PDSS2: variants seen among roughly 807,000 people sequenced by gnomAD.
The protein encoded by PDSS2 is decaprenyl diphosphate synthase subunit 2.
Under a neutral mutation model 44.5 loss-of-function variants are expected in PDSS2, and 31 were observed. The ratio of observed to expected loss-of-function variants is 0.70; its 90% CI spans 0.52 to 0.94. The LOEUF (loss-of-function observed/expected upper bound fraction) is 0.94, where lower values mean the gene tolerates loss of function less well. PDSS2 is among the 40% of genes least tolerant of loss of function. The probability of loss-of-function intolerance (pLI) is 0.00; values close to 1 mark genes in which losing one functional copy is unlikely to be tolerated. For synonymous variants in PDSS2, 157 were observed against 180.3 expected, an observed-to-expected ratio of 0.87 and a Z score of 1.03; for missense variants, 452 against 482.2, an observed-to-expected ratio of 0.94 and a Z score of 0.59.
intron 3 of PDSS2, among the ~76,000 whole-genome samples, chr6:107,266,709 A>T (rs1775423764): frequency 1.3e-5 from 2 of 152,312 alleles, no homozygotes; most frequent in South Asian, 4.1e-4. Flanking sequence ...TTGCTTGGAT[A>T]TGCTAAGTTT....
At chr6:107,412,937 A>C (rs980540792) in intron 1 of PDSS2, among the ~76,000 whole-genome samples, 1 of 152,190 alleles carries the variant, frequency 6.6e-6, no homozygotes, top group Non-Finnish European at 1.5e-5. Context: ...GATATGAGAT[A>C]CTGCTTTTTA....
intron 2 of PDSS2, among the ~76,000 whole-genome samples, chr6:107,300,101 C>T (rs1179426642): frequency 6.6e-6 from 1 of 152,186 alleles, no homozygotes; most frequent in African/African-American, 2.4e-5. Flanking sequence ...ATGTGCCTCC[C>T]CCTGCACTTC....
At chr6:107,208,361 A>G (rs1229229738) in intron 6 of PDSS2, among the ~76,000 whole-genome samples, 1 of 128,552 alleles carries the variant, frequency 7.8e-6, no homozygotes, top group African/African-American at 3.1e-5. Context: ...CAGTGGCTCC[A>G]TCTTGGCTCA....
chr6:107,402,718 T>C (rs1324783337), intron 1 of PDSS2, among the ~76,000 whole-genome samples: 2 of 151,190 alleles, frequency 1.3e-5, no homozygotes, highest in Non-Finnish European at 2.9e-5. Flanking sequence ...CAGATCTAGA[T>C]GGTTTTATAA....
intron 1 of PDSS2, among the ~76,000 whole-genome samples, chr6:107,422,826 G>A (rs989672140): frequency 4.6e-5 from 7 of 151,952 alleles, no homozygotes; most frequent in Non-Finnish European, 1.0e-4. Context: ...TGTCCGACAG[G>A]AGCATGTTTT....
At chr6:107,455,446 T>C (rs1276087544) in intron 1 of PDSS2, among the ~76,000 whole-genome samples, 3 of 151,732 alleles carry the variant, frequency 2.0e-5, no homozygotes, top group Non-Finnish European at 4.4e-5. Context: ...GAAACCTCCT[T>C]CTGGATTACC....
intron 6 of PDSS2, among the ~76,000 whole-genome samples, chr6:107,202,392 C>A (rs1268597849): frequency 6.6e-6 from 1 of 151,016 alleles, no homozygotes; most frequent in Non-Finnish European, 1.5e-5. Context: ...AAAAAAAAAA[C>A]AAACAAAACA....
At chr6:107,447,330 C>T (rs998818012) in intron 1 of PDSS2, among the ~76,000 whole-genome samples, 7 of 151,734 alleles carry the variant, frequency 4.6e-5, no homozygotes, top group Admixed American at 6.6e-5. Flanking sequence ...AGTGAGAATC[C>T]GTCAAAAAGC....
chr6:107,415,221 G>C (rs7766237), intron 1 of PDSS2, among the ~76,000 whole-genome samples: 1 of 152,066 alleles, frequency 6.6e-6, no homozygotes, highest in Admixed American at 6.6e-5. Context: ...ACCTAAGCTG[G>C]TGTGCATGCC....
At chr6:107,259,531 C>A (rs148208846) in intron 3 of PDSS2, among the ~76,000 whole-genome samples, 4 of 151,930 alleles carry the variant, frequency 2.6e-5, no homozygotes, top group African/African-American at 9.7e-5. Context: ...AAAAATTAGC[C>A]GGGCGTGGTG....
At chr6:107,286,868 G>A (rs1271314569) in intron 2 of PDSS2, among the ~76,000 whole-genome samples, 3 of 151,890 alleles carry the variant, frequency 2.0e-5, no homozygotes, top group South Asian at 2.1e-4. Flanking sequence ...GTGAAACCCC[G>A]GTTCTACTAA....
chr6:107,447,055 C>T (rs190283303), intron 1 of PDSS2, among the ~76,000 whole-genome samples: 173 of 152,204 alleles, frequency 1.1e-3, no homozygotes, highest in African/African-American at 3.9e-3. Context: ...CAAAAGCGGC[C>T]GGGCGCAGTG....
intron 2 of PDSS2, among the ~76,000 whole-genome samples, chr6:107,315,007 A>T (rs1205138089): frequency 6.6e-6 from 1 of 152,260 alleles, no homozygotes; most frequent in Non-Finnish European, 1.5e-5. Flanking sequence ...ATTAAAGTTA[A>T]TGAAGTACCA....
At chr6:107,415,112 A>G (rs1424980197) in intron 1 of PDSS2, among the ~76,000 whole-genome samples, 1 of 152,144 alleles carries the variant, frequency 6.6e-6, no homozygotes, top group Non-Finnish European at 1.5e-5. Flanking sequence ...GGAATCTCCA[A>G]TGGAAGTAAT....
intron 3 of PDSS2, chr6:107,264,285 C>A: frequency 7.2e-7 from 1 of 1,387,316 alleles, no homozygotes; most frequent in Non-Finnish European, 9.4e-7. Flanking sequence ...TCATTTTAAA[C>A]AACATATTTA....
At chr6:107,257,682 C>T (rs868796864) in intron 3 of PDSS2, among the ~76,000 whole-genome samples, 1 of 151,948 alleles carries the variant, frequency 6.6e-6, no homozygotes, top group Non-Finnish European at 1.5e-5. Context: ...TGCAGTGGTG[C>T]AATCTTGGCT....
intron 1 of PDSS2, among the ~76,000 whole-genome samples, chr6:107,385,675 G>A (rs1779589066): frequency 6.6e-6 from 1 of 151,968 alleles, no homozygotes; most frequent in Non-Finnish European, 1.5e-5. Flanking sequence ...TTTACCACAG[G>A]ACATTAAAAC....
At chr6:107,350,601 G>C (rs573389387) in intron 1 of PDSS2, among the ~76,000 whole-genome samples, 217 of 152,268 alleles carry the variant, frequency 1.4e-3, no homozygotes, top group African/African-American at 5.0e-3. Flanking sequence ...AGGATTTGGA[G>C]ACTAGCCTGG....
intron 1 of PDSS2, among the ~76,000 whole-genome samples, chr6:107,418,775 A>AAAAC (rs777802535): frequency 6.6e-6 from 1 of 152,154 alleles, no homozygotes; most frequent in Non-Finnish European, 1.5e-5. Flanking sequence ...ACTCTGTCTC[A>AAAAC]AAACAAACAA....
Sources: allele counts gnomAD v4.1 joint callset (sites outside exome capture counted in the v4.1 genomes callset), GRCh38; gene constraint gnomAD v4.1.1; transcripts MANE v1.5; gene names NCBI Gene and HGNC (gene_info 2026-07-23, HGNC 2026-07-21).